Variants in USPL1 observed in about 807,000 individuals in gnomAD.
USPL1 encodes SUMO-specific isopeptidase USPL1.
USPL1 carries 27 observed loss-of-function variants against 51.5 expected under a neutral mutation model. That is an observed-to-expected ratio of 0.52 (90% CI 0.39 to 0.72). The LOEUF (loss-of-function observed/expected upper bound fraction) is 0.72. Ranked by LOEUF, USPL1 falls within the 30% of genes least tolerant of loss-of-function variation. The probability of loss-of-function intolerance (pLI) is 0.00; values close to 1 mark genes in which losing one functional copy is unlikely to be tolerated. For missense variants in USPL1, 1,226 were observed against 1,268.0 expected, an observed-to-expected ratio of 0.97 and a Z score of 0.50; for synonymous variants, 451 against 459.6, an observed-to-expected ratio of 0.98 and a Z score of 0.24.
Position 30,659,160 on chromosome 13 carries a change from G to C in USPL1, c.3083G>C (p.Ser1028Thr). ...THLRQDHNYCSPTKKNPCEVQ... is the reference protein window; with the variant it reads ...THLRQDHNYCTPTKKNPCEVQ... Reference sequence around the variant, plus strand: ...CTGAGACAGGACCATAATTATTGTAGCCCCACCAAGAAAAATCCATGTGAA... The same window carrying C: ...CTGAGACAGGACCATAATTATTGTACCCCCACCAAGAAAAATCCATGTGAA... Residue 1028 changes from serine to threonine, a missense_variant, in exon 9 of 9, where the codon AGC becomes ACC. Ser to Thr is a moderately conservative substitution (Grantham distance 58). Coordinates refer to ENST00000255304, the MANE Select transcript of USPL1 (RefSeq NM_005800.5). 2.5e-6 allele frequency: 4 copies of C among 1,613,918 alleles called. No homozygotes were observed. The highest frequency in any genetic ancestry group is 3.4e-6 in the Non-Finnish European group (4 of 1,180,000).
rs1158642842 is a variant in USPL1 at position 30,660,372 on chromosome 13, C to T, written c.*1016C>T. On this transcript the variant is annotated 3_prime_UTR_variant, in exon 9 of 9. Coordinates refer to ENST00000255304, the MANE Select transcript of USPL1 (RefSeq NM_005800.5). ...AGAAGCCAAGCTGCAGAGGCAAGCA[C>T]TTCCGAGCCTGCAAAAGCAGGCCCC... is the stretch of plus-strand genomic sequence containing the variant. 6.6e-6 allele frequency: 1 copy of T among 152,286 alleles called. No individual in the cohort carries two copies. 9.4% of individuals were successfully genotyped at this position (152,286 alleles called of 1,614,324 possible).
chr13:30,651,481 G>A (rs1183761220), intron 7 of USPL1, among the ~76,000 whole-genome samples: 1 of 152,194 alleles, frequency 6.6e-6, no homozygotes, highest in Non-Finnish European at 1.5e-5. Context: ...GCATAAAAAT[G>A]TGTCAGGTGG....
At position 30,631,456 on chromosome 13, in the gene USPL1, C is replaced by A; in HGVS notation, c.850C>A (p.Gln284Lys). 6.2e-7 allele frequency: 1 copy of A among 1,613,640 alleles called. No homozygotes were observed. Among genetic ancestry groups the A allele is most frequent in the South Asian group, 1.1e-5 (1 of 90,964 alleles). The change falls in exon 4 of 9, where the codon CAA becomes AAA. Residue 284 changes from glutamine to lysine, a missense_variant. Physicochemically the swap from Gln to Lys is moderately conservative, Grantham distance 53. Coordinates refer to ENST00000255304, the MANE Select transcript of USPL1 (RefSeq NM_005800.5). ...AGCAAATACACTTCTATATACCAGTCAATTGAGTGGTGTTAAAGGTTGGTA... is the reference window on the plus strand; with the variant it reads ...AGCAAATACACTTCTATATACCAGTAAATTGAGTGGTGTTAAAGGTTGGTA... The part of the protein sequence containing the change: ...NQANTLLYTS[Q>K]LSGVKDGDCK...
At chr13:30,633,474 AG>A (rs1255033130) in intron 4 of USPL1, among the ~76,000 whole-genome samples, 12 of 152,018 alleles carry the variant, frequency 7.9e-5, no homozygotes, top group Admixed American at 3.9e-4. Context: ...TTTAATTAAG[AG>A]TAAATTAAAT....
chr13:30,658,628 T>G lies in USPL1; in HGVS notation c.2551T>G (p.Leu851Val), dbSNP rs145195373. ...HPHAHAASEV[L>V]EKSGSTSCGA... The stretch of plus-strand genomic sequence containing the variant: ...ACATGCTCATGCTGCTTCAGAAGTT[T>G]TGGAAAAGTCTGGAAGCACCTCATG... The change falls in exon 9 of 9, where the codon TTG becomes GTG. Residue 851 changes from leucine (L) to valine (V), a missense_variant. By Grantham distance (32) the Leu-to-Val change is conservative. Coordinates refer to ENST00000255304, the MANE Select transcript of USPL1 (RefSeq NM_005800.5). 114 of 1,614,184 alleles carry G rather than the reference T, an allele frequency of 7.1e-5. No homozygotes were observed. The highest frequency in any genetic ancestry group is 6.6e-4 in the Middle Eastern group (4 of 6,062).
At position 30,659,307 on chromosome 13, in the gene USPL1, A is replaced by G. The variant is rs760921409; in HGVS notation, c.3230A>G (p.Asp1077Gly). 2.5e-6 allele frequency: 4 copies of G among 1,613,478 alleles called. No homozygotes were observed. The South Asian group carries it at 3.3e-5, about 13-fold the overall frequency. Residue 1077 changes from aspartate to glycine, a missense_variant, in exon 9 of 9, where the codon GAC becomes GGC. Asp to Gly is a moderately conservative substitution (Grantham distance 94, BLOSUM62 -1). Transcript: ENST00000255304. Reference protein sequence around the residue: ...SSSALNALANDTLDLPHFDEY... With the variant: ...SSSALNALANGTLDLPHFDEY... ...TCAGCATTAAATGCTTTAGCAAATG[A>G]CACATTAGACCTACCTCATTTCGAT...
chr13:30,641,938 G>A (rs1228925130), intron 5 of USPL1, among the ~76,000 whole-genome samples: 4 of 149,206 alleles, frequency 2.7e-5, no homozygotes, highest in Non-Finnish European at 4.4e-5. Flanking sequence ...ACGAGGTCTC[G>A]CTCTGTCACC....
chr13:30,651,514 G>A (rs558840475), intron 7 of USPL1, among the ~76,000 whole-genome samples: 9 of 152,328 alleles, frequency 5.9e-5, no homozygotes, highest in African/African-American at 2.2e-4. Context: ...TATTTATCAC[G>A]TTAATATGTC....
chr13:30,621,218 CA>C lies in USPL1; in HGVS notation c.79del (p.Met27TrpfsTer29). 1 of 1,594,126 alleles carries C rather than the reference CA, an allele frequency of 6.3e-7. No individual in the cohort carries two copies. Among genetic ancestry groups the C allele is most frequent in the Non-Finnish European group, 8.5e-7 (1 of 1,173,128 alleles). On this transcript the variant is annotated frameshift_variant, in exon 2 of 9. Transcript: ENST00000255304. LOFTEE classifies it high-confidence loss of function. ...GTDIGISSLH[M>X]VGYLGKNFDS... Reference sequence around the variant, plus strand: ...CTGATATAGGGATATCTTCACTCCACATGGTGGGGTATTTGGGAAAAGTTAG... The same window carrying C: ...CTGATATAGGGATATCTTCACTCCACTGGTGGGGTATTTGGGAAAAGTTAG...
At chr13:30,623,685 G>A (rs1379216028) in intron 3 of USPL1, among the ~76,000 whole-genome samples, 1 of 152,200 alleles carries the variant, frequency 6.6e-6, no homozygotes, top group East Asian at 1.9e-4. Flanking sequence ...GATGGGGCAA[G>A]TAGCTGGAAA....
At position 30,621,906 on chromosome 13, in the gene USPL1, C is replaced by T. The variant is rs776615555; in HGVS notation, c.228+14C>T. 6.8e-6 allele frequency: 10 copies of T among 1,472,436 alleles called. No homozygotes were observed. The highest frequency in any genetic ancestry group is 2.5e-4 in the Middle Eastern group (1 of 4,054). The allele number at this position is 1,472,436 out of a possible 1,614,324, so 91.2% of individuals were successfully genotyped here. ...GAGGATCTGCAGGTAAAGTATTAATCTTATATAGTATATATAAGATTTTTC... is the reference window on the plus strand; with the variant it reads ...GAGGATCTGCAGGTAAAGTATTAATTTTATATAGTATATATAAGATTTTTC... On this transcript the variant is annotated intron_variant, in intron 3 of 8. Coordinates refer to ENST00000255304, the MANE Select transcript of USPL1 (RefSeq NM_005800.5).
chr13:30,642,253 C>T (rs1192194769), intron 5 of USPL1, among the ~76,000 whole-genome samples: 1 of 151,222 alleles, frequency 6.6e-6, no homozygotes, highest in East Asian at 1.9e-4. Context: ...TGAGCCACCA[C>T]ACCTCATCAA....
chr13:30,622,020 G>A (rs2137602204), intron 3 of USPL1, 128 bp downstream of exon 3: 1 of 612,164 alleles, frequency 1.6e-6, no homozygotes, highest in Non-Finnish European at 2.4e-6. Context: ...ATCTCAGTTT[G>A]TAAGTCTGTC....
At chr13:30,634,572 T>C (rs1242046574) in intron 4 of USPL1, among the ~76,000 whole-genome samples, 3 of 152,202 alleles carry the variant, frequency 2.0e-5, no homozygotes, top group African/African-American at 7.2e-5. Flanking sequence ...TGCTACATAA[T>C]ACTTCCATTT....
intron 4 of USPL1, among the ~76,000 whole-genome samples, chr13:30,636,578 T>C (rs1486216016): frequency 2.6e-5 from 4 of 152,240 alleles, no homozygotes; most frequent in African/African-American, 9.6e-5. Context: ...TAATCTTGGA[T>C]AGTTTCTTGT....
rs139811296 is a variant in USPL1 at position 30,658,610 on chromosome 13, C to T, written c.2533C>T (p.His845Tyr). The T allele has an allele frequency of 3.2e-5, 52 of 1,614,226 alleles. No homozygotes were observed. In the Middle Eastern group the frequency reaches 4.9e-4, roughly 15 times the overall value. Reference protein sequence around the residue: ...SNGTAAHPHAHAASEVLEKSG... With the variant: ...SNGTAAHPHAYAASEVLEKSG... The stretch of plus-strand genomic sequence containing the variant: ...TGGCACAGCTGCCCACCCACATGCT[C>T]ATGCTGCTTCAGAAGTTTTGGAAAA... Residue 845 changes from histidine to tyrosine, a missense_variant, in exon 9 of 9, where the codon CAT becomes TAT. Transcript: ENST00000255304.
At chr13:30,640,537 A>G (rs1950933194) in intron 5 of USPL1, among the ~76,000 whole-genome samples, 2 of 152,090 alleles carry the variant, frequency 1.3e-5, no homozygotes, top group Admixed American at 1.3e-4. Context: ...TAAAAATACA[A>G]AAAATTAGCC....
chr13:30,635,648 C>T (rs149137285), intron 4 of USPL1, among the ~76,000 whole-genome samples: 2 of 152,136 alleles, frequency 1.3e-5, no homozygotes, highest in African/African-American at 4.8e-5. Context: ...GATGTGACAT[C>T]ATACCAAGCT....
rs1951214653 is a variant in USPL1, at chr13:30,658,960, C to T, written c.2883C>T (p.Ser961=). ...ESACTTVPGV[S]LYSSQTHEEI... is the part of the protein sequence containing the mutation. ...CATGCACCACTGTTCCTGGTGTTTC[C>T]CTGTACAGTAGTCAAACTCATGAAG... The change falls in exon 9 of 9, where the codon TCC becomes TCT. Residue 961 remains serine, a synonymous_variant. Transcript: ENST00000255304. 1.2e-6 allele frequency: 2 copies of T among 1,613,968 alleles called. No individual in the cohort carries two copies. Among genetic ancestry groups the T allele is most frequent in the Non-Finnish European group, 1.7e-6 (2 of 1,180,006 alleles).
Sources: gnomAD v4.1 joint callset for allele counts (sites outside exome capture counted in the v4.1 genomes callset) on GRCh38, gnomAD v4.1.1 for gene constraint, MANE v1.5 for transcripts, NCBI Gene and HGNC (gene_info 2026-07-23, HGNC 2026-07-21) for gene names.